The following ATAD2 variants were observed in gnomAD, a reference collection of about 807,000 sequenced individuals.
ATAD2 encodes the protein ATPase family AAA domain containing 2.
Under a neutral mutation model 168.9 loss-of-function variants are expected in ATAD2, and 62 were observed. The ratio of observed to expected loss-of-function variants is 0.37; its 90% CI spans 0.30 to 0.45. ATAD2 has a LOEUF of 0.45. Among genes scored for constraint, ATAD2 ranks in the 20% least tolerant of loss-of-function variants. The pLI is 1.00. For synonymous variants in ATAD2, 613 were observed against 571.6 expected (o/e 1.07, Z -1.03); for missense variants, 1,419 against 1,667.8 (o/e 0.85, Z 2.60).
At chr8:123,330,008 G>A (rs1352377718) in intron 24 of ATAD2, among the ~76,000 whole-genome samples, 1 of 128,974 alleles carries the variant, frequency 7.8e-6, no homozygotes, top group East Asian at 2.2e-4. Context: ...TTTTTTTTGA[G>A]ACAGGGTCTT....
chr8:123,375,746 G>C (rs1389252786), intron 2 of ATAD2, among the ~76,000 whole-genome samples: 9 of 152,180 alleles, frequency 5.9e-5, no homozygotes, highest in African/African-American at 1.7e-4. Context: ...CAAGACGGGT[G>C]AATCACCTGA....
chr8:123,352,470 A>G (rs1407360529), intron 13 of ATAD2: 4 of 152,438 alleles, frequency 2.6e-5, no homozygotes, highest in Admixed American at 2.6e-4. Context: ...GGTATCTTAG[A>G]TGAAGGTTAT....
At chr8:123,346,387 A>G (rs1420729956) in intron 17 of ATAD2, 115 bp from the exon 18 acceptor site, 4 of 1,075,592 alleles carry the variant, frequency 3.7e-6, no homozygotes, top group African/African-American at 3.3e-5. Context: ...AGGCCAACCA[A>G]TCATAACATG....
At chr8:123,341,844 A>C (rs563556463) in intron 19 of ATAD2, among the ~76,000 whole-genome samples, 2 of 152,138 alleles carry the variant, frequency 1.3e-5, no homozygotes, top group South Asian at 4.1e-4. Flanking sequence ...GAAAATAAGA[A>C]AACAGGCCGA....
At chr8:123,408,957 AGCTG>A (rs1282228609) in intron 1 of ATAD2, among the ~76,000 whole-genome samples, 2 of 151,480 alleles carry the variant, frequency 1.3e-5, no homozygotes, top group African/African-American at 4.9e-5. Context: ...CCTCCTCAGT[AGCTG>A]GGACTACAGG....
intron 15 of ATAD2, 34 bp downstream of exon 15, chr8:123,348,149 A>G: frequency 1.4e-6 from 2 of 1,403,868 alleles, no homozygotes; most frequent in Non-Finnish European, 2.0e-6. Flanking sequence ...AAATAAATGT[A>G]GTATTTATTT....
At chr8:123,341,978 C>T (rs556332804) in intron 19 of ATAD2, among the ~76,000 whole-genome samples, 1 of 152,088 alleles carries the variant, frequency 6.6e-6, no homozygotes, top group Non-Finnish European at 1.5e-5. Context: ...CCCAGCTACT[C>T]GGGAGGCTGA....
At chr8:123,389,254 G>A (rs1212755248) in intron 1 of ATAD2, among the ~76,000 whole-genome samples, 1 of 148,444 alleles carries the variant, frequency 6.7e-6, no homozygotes, top group South Asian at 2.2e-4. Context: ...GGGATTACAG[G>A]TGTGAGCCAC....
upstream of ATAD2, among the ~76,000 whole-genome samples, chr8:123,398,697 G>T (rs1812959404): frequency 6.6e-6 from 1 of 151,440 alleles, no homozygotes. Flanking sequence ...TAGAGACGGG[G>T]TCTCACTCTG....
intron 26 of ATAD2, among the ~76,000 whole-genome samples, chr8:123,323,893 T>C (rs1361412018): frequency 1.3e-5 from 2 of 152,098 alleles, no homozygotes; most frequent in Admixed American, 6.5e-5. Context: ...AAAAAGTAAA[T>C]TGAAATAGTC....
rs1007893350 is a variant in ATAD2 at position 123,392,489 on chromosome 8, G to A, written c.171+3698C>T. 4.0e-5 allele frequency among the ~76,000 whole-genome samples: 6 copies of A among 151,696 alleles called. No homozygotes were observed. The East Asian group carries it at 1.2e-3, about 29-fold the overall frequency. Reference sequence around the variant, plus strand: ...AATTTATTTAAGTCTCTGTGCATCAGTTTTCTCATAAAAAAAAAATCTTAC... The same window carrying A: ...AATTTATTTAAGTCTCTGTGCATCAATTTTCTCATAAAAAAAAAATCTTAC... On this transcript the variant is annotated intron_variant, in intron 1 of 27. Transcript: ENST00000287394.
chr8:123,379,619 G>A (rs1248709790), intron 2 of ATAD2, among the ~76,000 whole-genome samples: 1 of 148,448 alleles, frequency 6.7e-6, no homozygotes, highest in African/African-American at 2.5e-5. Flanking sequence ...CTAGAGTACA[G>A]TGGCACGATC....
intron 27 of ATAD2, 138 bp from the exon 28 acceptor site, chr8:123,321,313 G>A (rs1177210713): frequency 8.1e-6 from 6 of 743,148 alleles, no homozygotes; most frequent in Non-Finnish European, 1.3e-5. Context: ...TAAACATTCA[G>A]TTCAGTATTT....
chr8:123,395,769 C>A (rs558585188), intron 1 of ATAD2, among the ~76,000 whole-genome samples: 6 of 152,134 alleles, frequency 3.9e-5, no homozygotes, highest in Non-Finnish European at 7.4e-5. Flanking sequence ...CCCCCTCCCC[C>A]CCAACGTTTA....
At chr8:123,338,551 A>G (rs11996182) in intron 20 of ATAD2, among the ~76,000 whole-genome samples, 2,708 of 152,284 alleles carry the variant, frequency 0.018, 89 homozygotes, top group African/African-American at 0.062. Flanking sequence ...GATGAAAAAA[A>G]GGATTATTAG....
chr8:123,390,231 G>A (rs1252377093), intron 1 of ATAD2, among the ~76,000 whole-genome samples: 1 of 151,556 alleles, frequency 6.6e-6, no homozygotes, highest in African/African-American at 2.4e-5. Flanking sequence ...TGCCTGCCTC[G>A]GCCTCCCAAA....
At chr8:123,330,072 T>C (rs139398677) in intron 24 of ATAD2, among the ~76,000 whole-genome samples, 1,506 of 146,110 alleles carry the variant, frequency 0.01, 25 homozygotes, top group African/African-American at 0.035. Flanking sequence ...CACTGCAGCC[T>C]TGAACTCCTG....
At position 123,369,976 on chromosome 8, in the gene ATAD2, T is replaced by C. The variant is rs1272208774; in HGVS notation, c.776A>G (p.Asp259Gly). 1.9e-6 allele frequency: 3 copies of C among 1,584,854 alleles called. No homozygotes were observed. The highest frequency in any genetic ancestry group is 1.7e-6 in the Non-Finnish European group (2 of 1,156,016). Residue 259 changes from aspartate (D) to glycine (G), a missense_variant, in exon 7 of 28, where the codon GAT becomes GGT. Asp to Gly is a moderately conservative substitution (Grantham distance 94). This residue lies in a region of ATAD2 where 419 missense variants were observed against 423.5 expected (regional missense o/e 0.99). Coordinates refer to ENST00000287394, the MANE Select transcript of ATAD2 (RefSeq NM_014109.4). ...ATCATCATCATCTTCATCATCTTCATCTTCACCATCATCTTCATGTTCTTG... is the reference window on the plus strand; with the variant it reads ...ATCATCATCATCTTCATCATCTTCACCTTCACCATCATCTTCATGTTCTTG... ...EDQEHEDDGEDEDDEDDDDDD... is the reference protein window; with the variant it reads ...EDQEHEDDGEGEDDEDDDDDD...
intron 2 of ATAD2, among the ~76,000 whole-genome samples, chr8:123,379,889 TA>T (rs762078601): frequency 0.02 from 2,730 of 135,404 alleles, 46 homozygotes; most frequent in Non-Finnish European, 0.027. Flanking sequence ...TTATTATTAT[TA>T]TTTTTTTTTT....
Sources: allele counts gnomAD v4.1 joint callset (sites outside exome capture counted in the v4.1 genomes callset), GRCh38; gene constraint gnomAD v4.1.1; regional missense constraint gnomAD v4.1.1; transcripts MANE v1.5; gene names NCBI Gene and HGNC (gene_info 2026-07-23, HGNC 2026-07-21).